Variants in MTREX observed in about 807,000 individuals in gnomAD.
The protein encoded by MTREX is Mtr4 exosome RNA helicase.
MTREX carries 76 observed loss-of-function variants against 135.4 expected under a neutral mutation model. The ratio of observed to expected loss-of-function variants is 0.56; its 90% confidence interval spans 0.47 to 0.68. MTREX has a LOEUF of 0.68. Ranked by LOEUF, MTREX falls within the 30% of genes least tolerant of loss-of-function variation. MTREX has a pLI of 0.00. For synonymous variants in MTREX, 404 were observed against 401.6 expected (o/e 1.01, Z -0.07); for missense variants, 920 against 1,262.1 (o/e 0.73, Z 4.11).
In MTREX at chr5:55,358,700, TAACTAC is replaced by T; in HGVS notation, c.1659+4_1659+9del. The T allele has an allele frequency of 6.3e-7, 1 of 1,589,040 alleles. No homozygotes were observed. The highest frequency in any genetic ancestry group is 8.5e-7 in the Non-Finnish European group (1 of 1,173,138). On this transcript the variant is annotated splice_donor_5th_base_variant and intron_variant, in intron 15 of 26. Coordinates refer to ENST00000230640, the MANE Select transcript of MTREX (RefSeq NM_015360.5). ...ACAATTGGAAAACAATTACTTAAGG[TAACTAC>T]ATTAAGATTGTGTACCTTTACCAAG...
At position 55,425,099 on chromosome 5, in the gene MTREX, A is replaced by G. The variant is rs1025917570; in HGVS notation, c.*327A>G. 1.4e-6 allele frequency: 2 copies of G among 1,395,122 alleles called. No individual in the cohort carries two copies. Among genetic ancestry groups the G allele is most frequent in the Non-Finnish European group, 1.9e-6 (2 of 1,028,308 alleles). The allele number at this position is 1,395,122 out of a possible 1,614,324, so 86.4% of individuals were successfully genotyped here. On this transcript the variant is annotated 3_prime_UTR_variant, in exon 27 of 27. Transcript: ENST00000230640. ...ATCCAAGAGGCATAGCAGCAGCAGA[A>G]GTCTTTAAAGGCTTGTACACCAGGA...
intron 26 of MTREX, 25 bp from the exon 27 acceptor site, chr5:55,424,695 T>TAAACA (rs1386814293): frequency 6.3e-7 from 1 of 1,584,522 alleles, no homozygotes; most frequent in East Asian, 2.2e-5. Flanking sequence ...CTTGAAAGTT[T>TAAACA]AAACCTTACT....
intron 19 of MTREX, 24 bp downstream of exon 19, chr5:55,388,126 C>G (rs1044513579): frequency 6.3e-7 from 1 of 1,577,612 alleles, no homozygotes; most frequent in African/African-American, 1.3e-5. Flanking sequence ...TTTCTGTCTT[C>G]TGATTTCAGA....
chr5:55,310,863 G>A (rs143172648), intron 1 of MTREX, among the ~76,000 whole-genome samples: 20 of 152,056 alleles, frequency 1.3e-4, no homozygotes, highest in East Asian at 1.9e-4. Flanking sequence ...TGGTAACCTC[G>A]AACTCCTGGC....
intron 15 of MTREX, among the ~76,000 whole-genome samples, chr5:55,362,250 AG>A (rs556205416): frequency 1.0e-3 from 154 of 151,792 alleles, no homozygotes; most frequent in South Asian, 8.3e-3. Flanking sequence ...GAATTTTTAA[AG>A]GAGCAATAGA....
chr5:55,362,708 T>TA (rs922287552), intron 15 of MTREX, among the ~76,000 whole-genome samples: 47 of 151,694 alleles, frequency 3.1e-4, no homozygotes, highest in African/African-American at 7.2e-4. Flanking sequence ...ATATGAGCTA[T>TA]AAAAAAAAAT....
rs369854566 is a variant in MTREX, at chr5:55,378,838, A to G, written c.1984-289A>G. ...TTTAAGTTCTGGATGAATTCATTAG[A>G]TATAAATGATTTATATCCTTGGAAC... is the stretch of plus-strand genomic sequence containing the variant. On this transcript the variant is annotated intron_variant, in intron 17 of 26. Coordinates refer to ENST00000230640, the MANE Select transcript of MTREX (RefSeq NM_015360.5). Among the ~76,000 whole-genome samples, 210 of 152,312 alleles carry G rather than the reference A, an allele frequency of 1.4e-3. 5 individuals carry two copies. The South Asian group carries it at 0.041, about 30-fold the overall frequency.
chr5:55,402,410 T>C (rs530775917), intron 21 of MTREX, among the ~76,000 whole-genome samples: 1 of 152,344 alleles, frequency 6.6e-6, no homozygotes, highest in South Asian at 2.1e-4. Flanking sequence ...CGGCCTTATG[T>C]TTTCACAACA....
At chr5:55,318,382 A>G (rs564787366) in intron 1 of MTREX, among the ~76,000 whole-genome samples, 3 of 152,204 alleles carry the variant, frequency 2.0e-5, no homozygotes, top group Non-Finnish European at 4.4e-5. Context: ...ATGCCCATCA[A>G]TGACAGATTG....
intron 16 of MTREX, among the ~76,000 whole-genome samples, chr5:55,371,976 A>C (rs1297674104): frequency 6.6e-6 from 1 of 152,158 alleles, no homozygotes; most frequent in African/African-American, 2.4e-5. Flanking sequence ...GATATAAAAA[A>C]GAAAATCTTC....
intron 3 of MTREX, chr5:55,324,404 G>A (rs1749337804): frequency 6.0e-6 from 1 of 165,424 alleles, no homozygotes; most frequent in African/African-American, 3.2e-5. Context: ...CTATAATCTT[G>A]GGTAAATTTC....
chr5:55,390,744 A>T (rs1750553748), intron 19 of MTREX, among the ~76,000 whole-genome samples: 1 of 152,214 alleles, frequency 6.6e-6, no homozygotes, highest in Non-Finnish European at 1.5e-5. Context: ...CATTAGATAA[A>T]AACATCTATA....
chr5:55,326,168 A>T (rs1286829532), intron 3 of MTREX, among the ~76,000 whole-genome samples: 1 of 152,106 alleles, frequency 6.6e-6, no homozygotes, highest in Non-Finnish European at 1.5e-5. Flanking sequence ...AGGGCGAGGC[A>T]GGCGGATTGC....
chr5:55,365,017 A>C (rs1750077757), intron 15 of MTREX, among the ~76,000 whole-genome samples: 1 of 152,194 alleles, frequency 6.6e-6, no homozygotes, highest in Non-Finnish European at 1.5e-5. Context: ...GTAAGTTGGA[A>C]CTATGCTGGG....
At chr5:55,343,503 G>T in intron 8 of MTREX, 48 bp downstream of exon 8, 1 of 1,535,626 alleles carries the variant, frequency 6.5e-7, no homozygotes, top group Non-Finnish European at 8.9e-7. Flanking sequence ...AAATGTTACA[G>T]ATTAGTCTTG....
intron 2 of MTREX, 81 bp downstream of exon 2, chr5:55,322,545 C>A: frequency 9.5e-7 from 1 of 1,055,690 alleles, no homozygotes; most frequent in Non-Finnish European, 1.3e-6. Flanking sequence ...CTCCATGTTG[C>A]TACTTAGATA....
At chr5:55,332,389 C>T (rs1749492443) in intron 5 of MTREX, among the ~76,000 whole-genome samples, 1 of 152,116 alleles carries the variant, frequency 6.6e-6, no homozygotes, top group Non-Finnish European at 1.5e-5. Flanking sequence ...GTAAAGAAGA[C>T]TGTAGAGAAA....
intron 22 of MTREX, among the ~76,000 whole-genome samples, chr5:55,408,138 T>A (rs1750834370): frequency 6.6e-6 from 1 of 152,100 alleles, no homozygotes; most frequent in African/African-American, 2.4e-5. Flanking sequence ...CATAATTTAG[T>A]ATATTGTTAC....
At chr5:55,349,772 G>T in intron 12 of MTREX, 120 bp downstream of exon 12, 1 of 592,912 alleles carries the variant, frequency 1.7e-6, no homozygotes, top group South Asian at 2.2e-5. Context: ...TATGGGTTGT[G>T]ATATGCCCTT....
Sources: allele counts gnomAD v4.1 joint callset (sites outside exome capture counted in the v4.1 genomes callset), GRCh38; gene constraint gnomAD v4.1.1; transcripts MANE v1.5; gene names NCBI Gene and HGNC (gene_info 2026-07-23, HGNC 2026-07-21).